The following MUC5B variants were observed in gnomAD, a reference collection of about 807,000 sequenced individuals.
MUC5B encodes mucin-5B.
In MUC5B, 116 loss-of-function variants were observed where a neutral mutation model predicts 376.9. That is an observed-to-expected ratio of 0.31 (90% CI 0.26 to 0.36). The LOEUF (loss-of-function observed/expected upper bound fraction) is 0.36. Ranked by LOEUF, MUC5B falls within the 10% of genes least tolerant of loss-of-function variation. The probability of loss-of-function intolerance (pLI) is 1.00; values close to 1 mark genes in which losing one functional copy is unlikely to be tolerated. For synonymous variants in MUC5B, 3,517 were observed against 3,390.9 expected (o/e 1.04, Z -1.29); for missense variants, 7,165 against 7,769.9 (o/e 0.92, Z 2.93).
At position 1,229,991 on chromosome 11, in the gene MUC5B, G is replaced by A; in HGVS notation, c.1221-14G>A. The A allele has an allele frequency of 6.3e-7, 1 of 1,581,374 alleles. No individual in the cohort carries two copies. Among genetic ancestry groups the A allele is most frequent in the Non-Finnish European group, 8.6e-7 (1 of 1,164,984 alleles). ...TCCCGACATGCCGGTTCTGCTCACG[G>A]CCTCCCTCCCCAGCACCTGCTCCGG... On this transcript the variant is annotated splice_polypyrimidine_tract_variant and intron_variant, in intron 10 of 48. Coordinates refer to ENST00000529681, the MANE Select transcript of MUC5B (RefSeq NM_002458.3).
rs763022013 is a variant in MUC5B, at chr11:1,226,234, G to A, written c.157G>A (p.Val53Met). ...GAPTSSPTRR[V>M]SFVPPVTVFP... ...CCCGACGTCCTCGCCCACCCGGCGC[G>A]TGAGCTTTGTTCCACCCGTCACTGT... is the stretch of plus-strand genomic sequence containing the variant. The change falls in exon 3 of 49, where the codon GTG (valine) becomes ATG (methionine). Residue 53 changes from valine to methionine, a missense_variant. Val to Met is a conservative substitution (Grantham distance 21). Around this residue, in one of 31 missense-constraint regions of MUC5B, gnomAD observed 640 missense variants for 733.0 expected, o/e 0.87. Coordinates refer to ENST00000529681, the MANE Select transcript of MUC5B (RefSeq NM_002458.3). The A allele has an allele frequency of 1.7e-5, 26 of 1,556,076 alleles. No homozygotes were observed. Among genetic ancestry groups the A allele is most frequent in the Admixed American group, 9.6e-5 (5 of 52,106 alleles).
rs777702603 is a variant in MUC5B, at chr11:1,249,189, C to T, written c.12309C>T (p.Ser4103=). 1.9e-6 allele frequency: 3 copies of T among 1,611,542 alleles called. No homozygotes were observed. Among genetic ancestry groups the T allele is most frequent in the Middle Eastern group, 2.2e-4 (1 of 4,462 alleles). ...GGACCACGGCCACGGCCACACCCAG[C>T]AAGACCCGCACCTCGACCCTGCTGC... ...TSRTTATATP[S]KTRTSTLLPS... The change falls in exon 31 of 49, where the codon AGC becomes AGT. Residue 4103 remains serine (S), a synonymous_variant. Transcript: ENST00000529681.
At chr11:1,260,330 C>T (rs375281121) in intron 46 of MUC5B, 21 bp from the exon 47 acceptor site, 2 of 1,612,006 alleles carry the variant, frequency 1.2e-6, no homozygotes, top group Non-Finnish European at 1.7e-6. Flanking sequence ...AGCCCTGCCC[C>T]CTGTCTTTGG....
intron 1 of MUC5B, among the ~76,000 whole-genome samples, chr11:1,225,403 AG>A (rs1227939297): frequency 1.3e-5 from 2 of 152,210 alleles, no homozygotes; most frequent in Admixed American, 1.3e-4. Flanking sequence ...GGGGCAGCTC[AG>A]GGCTCCCTGC....
intron 47 of MUC5B, 91 bp from the exon 48 acceptor site, chr11:1,260,535 G>C (rs1324211430): frequency 2.9e-5 from 42 of 1,444,312 alleles, no homozygotes; most frequent in Non-Finnish European, 3.9e-5. Context: ...GCCATGGGAG[G>C]GGTGGTCCCA....
At position 1,232,483 on chromosome 11, in the gene MUC5B, C is replaced by T; in HGVS notation, c.1877C>T (p.Thr626Ile). 5 of 1,610,572 alleles carry T rather than the reference C, an allele frequency of 3.1e-6. No homozygotes were observed. Among genetic ancestry groups the T allele is most frequent in the Non-Finnish European group, 4.2e-6 (5 of 1,179,016 alleles). ...NYARHWCSRL[T>I]DPNSAFSRCH... ...GCCCGGCACTGGTGCTCGCGCCTGA[C>T]CGATCCCAACAGTGCCTTCTCGCGC... The change falls in exon 16 of 49, where the codon ACC becomes ATC. Residue 626 changes from threonine (T) to isoleucine (I), a missense_variant. Transcript: ENST00000529681.
intron 3 of MUC5B, 128 bp from the exon 4 acceptor site, chr11:1,226,487 C>G (rs370411744): frequency 4.4e-6 from 6 of 1,368,080 alleles, no homozygotes; most frequent in African/African-American, 4.3e-5. Context: ...CCAGGGTGAG[C>G]CAGGCAGGGC....
rs374099793 is a variant in MUC5B at position 1,245,234 on chromosome 11, C to G, written c.8354C>G (p.Thr2785Arg). The change falls in exon 31 of 49, where the codon ACA (threonine) becomes AGA (arginine). Residue 2785 changes from threonine to arginine, a missense_variant. By Grantham distance (71) the Thr-to-Arg change is moderately conservative. This residue lies in a region of MUC5B where 70 missense variants were observed against 169.1 expected (regional missense o/e 0.41). Transcript: ENST00000529681. ...TSGTLGTTHI[T>R]EPSTGTSHTP... is the part of the protein sequence containing the mutation. Reference sequence around the variant, plus strand: ...GGCACCTTGGGCACCACCCACATCACAGAGCCTTCCACGGGGACTTCCCAC... The same window carrying G: ...GGCACCTTGGGCACCACCCACATCAGAGAGCCTTCCACGGGGACTTCCCAC... 1 of 1,598,240 alleles carries G rather than the reference C, an allele frequency of 6.3e-7. No homozygotes were observed. The highest frequency in any genetic ancestry group is 1.7e-5 in the Admixed American group (1 of 58,492).
rs189444561 is a variant in MUC5B at position 1,242,818 on chromosome 11, G to A, written c.5938G>A (p.Val1980Ile). 30 of 1,611,228 alleles carry A rather than the reference G, an allele frequency of 1.9e-5. No individual in the cohort carries two copies. Among genetic ancestry groups the A allele is most frequent in the East Asian group, 4.5e-5 (2 of 44,716 alleles). ...AGCCACCACACCCACAGCTACCAGC[G>A]TTACACCCATCCCCTCTTCCTCCCT... ...STATTPTATSVTPIPSSSLGT... is the reference protein window; with the variant it reads ...STATTPTATSITPIPSSSLGT... Residue 1980 changes from valine to isoleucine, a missense_variant, in exon 31 of 49, where the codon GTT becomes ATT. This residue lies in a region of MUC5B where 897 missense variants were observed against 779.6 expected (regional missense o/e 1.15). Coordinates refer to ENST00000529681, the MANE Select transcript of MUC5B (RefSeq NM_002458.3).
chr11:1,248,637 G>GACC lies in MUC5B; in HGVS notation c.11769_11771dup (p.Thr3925dup). The stretch of plus-strand genomic sequence containing the variant: ...GGACCACCCACACCCCCACAGTGCT[G>GACC]ACCACCACCACCACAACTGTGGCCA... On this transcript the variant is annotated inframe_insertion, in exon 31 of 49. Coordinates refer to ENST00000529681, the MANE Select transcript of MUC5B (RefSeq NM_002458.3). 2.5e-6 allele frequency: 4 copies of GACC among 1,609,922 alleles called. No individual in the cohort carries two copies. The highest frequency in any genetic ancestry group is 3.4e-6 in the Non-Finnish European group (4 of 1,178,516).
chr11:1,255,073 C>A lies in MUC5B; in HGVS notation c.15697C>A (p.Leu5233Ile). The A allele has an allele frequency of 1.3e-6, 2 of 1,594,942 alleles. No individual in the cohort carries two copies. Residue 5233 changes from leucine (L) to isoleucine (I), a missense_variant, in exon 36 of 49, where the codon CTC (leucine) becomes ATC (isoleucine). Physicochemically the swap from Leu to Ile is conservative, Grantham distance 5. Transcript: ENST00000529681. ...CACCAACAACCAGAGGGACGACTGT[C>A]TCCAGCGGGACGGAACCACTGCCGC... Reference protein sequence around the residue: ...TCTNNQRDDCLQRDGTTAASC... With the variant: ...TCTNNQRDDCIQRDGTTAASC...
In MUC5B at chr11:1,226,202, C is replaced by T. The variant is rs1353397206; in HGVS notation, c.128-3C>T. ...TCCTGGGGTGACCAGCCTTCACCCA[C>T]AGGTGCCCCGACGTCCTCGCCCACC... On this transcript the variant is annotated splice_region_variant and splice_polypyrimidine_tract_variant and intron_variant, in intron 2 of 48. Coordinates refer to ENST00000529681, the MANE Select transcript of MUC5B (RefSeq NM_002458.3). 9 of 1,549,890 alleles carry T rather than the reference C, an allele frequency of 5.8e-6. No individual in the cohort carries two copies. Among genetic ancestry groups the T allele is most frequent in the South Asian group, 3.6e-5 (3 of 84,106 alleles).
intron 1 of MUC5B, among the ~76,000 whole-genome samples, chr11:1,225,297 C>T (rs1376349793): frequency 2.6e-5 from 4 of 152,258 alleles, no homozygotes; most frequent in East Asian, 1.9e-4. Flanking sequence ...CCCCTTGGGG[C>T]GGCCAACGCC....
rs55902810 is a variant in MUC5B, at chr11:1,227,493, C to T, written c.667+95C>T. ...GGCCGGGAGGGGGCGGAGTGGGGAC[C>T]GGGCACCAGGCAGGGAGGGGCCACG... On this transcript the variant is annotated intron_variant, in intron 6 of 48. Transcript: ENST00000529681. 0.061 allele frequency: 59,726 copies of T among 980,410 alleles called. 2,168 individuals carry two copies. The highest frequency in any genetic ancestry group is 0.1 in the African/African-American group (6,281 of 62,276). The allele number at this position is 980,410 out of a possible 1,614,324, so 60.7% of individuals were successfully genotyped here.
At position 1,242,427 on chromosome 11, in the gene MUC5B, C is replaced by A. The variant is rs759145491; in HGVS notation, c.5547C>A (p.Cys1849Ter). The change falls in exon 31 of 49, where the codon TGC becomes TGA. Residue 1849 changes from cysteine to a stop codon, truncating the protein, a stop_gained. Transcript: ENST00000529681. LOFTEE classifies it high-confidence loss of function. The stretch of plus-strand genomic sequence containing the variant: ...ACCAGGTCGGGCAGGTGCTGACCTG[C>A]AGCCTGGAGACGGGGCTGACCTGCA... ...SIDQVGQVLT[C>*]SLETGLTCKN... The A allele has an allele frequency of 1.2e-6, 2 of 1,613,800 alleles. No individual in the cohort carries two copies.
chr11:1,249,667 A>C lies in MUC5B; in HGVS notation c.12787A>C (p.Thr4263Pro). The change falls in exon 31 of 49, where the codon ACT (threonine) becomes CCT (proline). Residue 4263 changes from threonine (T) to proline (P), a missense_variant. Thr to Pro is a conservative substitution (Grantham distance 38). Around this residue, in one of 31 missense-constraint regions of MUC5B, gnomAD observed 431 missense variants for 390.4 expected, o/e 1.10. Coordinates refer to ENST00000529681, the MANE Select transcript of MUC5B (RefSeq NM_002458.3). ...CACAACAGCCACTACGACTGCATCC[A>C]CTGGATCCACGGCCACCCCGTCCTC... ...LTTTATTTASTGSTATPSSTP... is the reference protein window; with the variant it reads ...LTTTATTTASPGSTATPSSTP... The C allele has an allele frequency of 1.2e-6, 2 of 1,610,676 alleles. No individual in the cohort carries two copies. The highest frequency in any genetic ancestry group is 2.2e-5 in the South Asian group (2 of 91,012).
At position 1,249,781 on chromosome 11, in the gene MUC5B, A is replaced by G. The variant is rs200329857; in HGVS notation, c.12901A>G (p.Ser4301Gly). The part of the protein sequence containing the change: ...ATSSKATSSS[S>G]PRTATTLPVL... ...CAGTTCCAAAGCCACTTCCTCCTCC[A>G]GTCCAAGGACTGCAACCACCCTTCC... The change falls in exon 31 of 49, where the codon AGT becomes GGT. Residue 4301 changes from serine (S) to glycine (G), a missense_variant. By Grantham distance (56) the Ser-to-Gly change is moderately conservative. Around this residue, in one of 31 missense-constraint regions of MUC5B, gnomAD observed 431 missense variants for 390.4 expected, o/e 1.10. Coordinates refer to ENST00000529681, the MANE Select transcript of MUC5B (RefSeq NM_002458.3). The G allele has an allele frequency of 1.2e-6, 2 of 1,613,092 alleles. No homozygotes were observed. Among genetic ancestry groups the G allele is most frequent in the Non-Finnish European group, 1.7e-6 (2 of 1,179,602 alleles).
intron 15 of MUC5B, 83 bp downstream of exon 15, chr11:1,232,243 C>T: frequency 6.8e-7 from 1 of 1,464,902 alleles, no homozygotes; most frequent in Non-Finnish European, 9.1e-7. Flanking sequence ...ACGGGGACCC[C>T]TGGGTGGGAT....
In MUC5B at chr11:1,247,600, C is replaced by T; in HGVS notation, c.10720C>T (p.Gln3574Ter). ...TTVVTTGCEP[Q>*]CAWSEWLDYS... Reference sequence around the variant, plus strand: ...GGTGGTGACCACGGGCTGTGAGCCCCAGTGTGCCTGGTCAGAGTGGCTGGA... The same window carrying T: ...GGTGGTGACCACGGGCTGTGAGCCCTAGTGTGCCTGGTCAGAGTGGCTGGA... Residue 3574 changes from glutamine (Q) to a stop codon, truncating the protein, a stop_gained, in exon 31 of 49, where the codon CAG (glutamine) becomes TAG (stop). Coordinates refer to ENST00000529681, the MANE Select transcript of MUC5B (RefSeq NM_002458.3). LOFTEE classifies it high-confidence loss of function. The T allele has an allele frequency of 1.2e-6, 2 of 1,610,724 alleles. No homozygotes were observed.
Sources: allele counts gnomAD v4.1 joint callset (sites outside exome capture counted in the v4.1 genomes callset), GRCh38; gene constraint gnomAD v4.1.1; regional missense constraint gnomAD v4.1.1; transcripts MANE v1.5; gene names NCBI Gene and HGNC (gene_info 2026-07-23, HGNC 2026-07-21).